Variants in ZCCHC7 observed in about 807,000 individuals in gnomAD.
ZCCHC7 encodes the protein zinc finger CCHC domain-containing protein 7.
In ZCCHC7, 35 loss-of-function variants were observed where a neutral mutation model predicts 52.0. The observed-to-expected ratio is 0.67, with a 90% CI of 0.51 to 0.89. The LOEUF (loss-of-function observed/expected upper bound fraction) is 0.89, where lower values mean the gene tolerates loss of function less well. Among genes scored for constraint, ZCCHC7 ranks in the 40% least tolerant of loss-of-function variants. The pLI is 0.00. For missense variants in ZCCHC7, 574 were observed against 649.1 expected (o/e 0.88, Z 1.26); for synonymous variants, 217 against 221.5 (o/e 0.98, Z 0.18).
intron 5 of ZCCHC7, among the ~76,000 whole-genome samples, chr9:37,311,788 T>C (rs189791647): frequency 1.2e-4 from 18 of 152,332 alleles, no homozygotes; most frequent in Admixed American, 5.2e-4. Context: ...CAAAAGTTTA[T>C]TTTAAGGAGA....
At chr9:37,202,589 C>T (rs1823691720) in intron 2 of ZCCHC7, among the ~76,000 whole-genome samples, 1 of 152,156 alleles carries the variant, frequency 6.6e-6, no homozygotes, top group Admixed American at 6.5e-5. Context: ...TCAAGTGATC[C>T]TCCTGCCTCA....
chr9:37,256,379 C>T (rs1481178105), intron 2 of ZCCHC7, among the ~76,000 whole-genome samples: 4 of 152,228 alleles, frequency 2.6e-5, no homozygotes, highest in Non-Finnish European at 4.4e-5. Context: ...GCTAGTAATA[C>T]TAAGAAGTTA....
intron 6 of ZCCHC7, among the ~76,000 whole-genome samples, chr9:37,339,993 C>T (rs1241624007): frequency 1.3e-5 from 2 of 152,098 alleles, no homozygotes; most frequent in African/African-American, 2.4e-5. Context: ...GCAGCTCTAG[C>T]ATTTTGATCT....
chr9:37,304,412 G>A, intron 4 of ZCCHC7, 99 bp downstream of exon 4: 1 of 1,400,370 alleles, frequency 7.1e-7, no homozygotes, highest in Non-Finnish European at 9.7e-7. Flanking sequence ...CCAGCACTTT[G>A]GGAAGCCGAG....
In ZCCHC7 at chr9:37,323,071, T is replaced by A. The variant is rs372498189; in HGVS notation, c.952-4728T>A. Among the ~76,000 whole-genome samples, 40 of 150,692 alleles carry A rather than the reference T, an allele frequency of 2.7e-4. 1 individual carries two copies. In the South Asian group the frequency reaches 6.1e-3, roughly 23 times the overall value. The stretch of plus-strand genomic sequence containing the variant: ...GAGGTACTGTTAGCCCCGTTTTACC[T>A]ATGAGGAAACTGAGACACAGAGATA... On this transcript the variant is annotated intron_variant, in intron 5 of 8. Transcript: ENST00000336755.
intron 2 of ZCCHC7, among the ~76,000 whole-genome samples, chr9:37,219,938 T>C (rs1387401698): frequency 6.6e-6 from 1 of 152,110 alleles, no homozygotes; most frequent in East Asian, 1.9e-4. Context: ...TGAGGAAGGT[T>C]TAGTGAAGGG....
intron 2 of ZCCHC7, among the ~76,000 whole-genome samples, chr9:37,177,447 C>T (rs1179643494): frequency 2.0e-5 from 3 of 152,120 alleles, no homozygotes; most frequent in Middle Eastern, 6.3e-3. Flanking sequence ...AATCTTTGTG[C>T]AGTGTGGAAA....
chr9:37,337,007 A>C (rs1053125581), intron 6 of ZCCHC7, among the ~76,000 whole-genome samples: 1 of 152,162 alleles, frequency 6.6e-6, no homozygotes, highest in Admixed American at 6.5e-5. Context: ...CAATTGGCGG[A>C]GGGGCCGAGA....
Position 37,232,711 on chromosome 9 carries a change from A to G in ZCCHC7, c.611-69477A>G, listed in dbSNP as rs571501517. Among the ~76,000 whole-genome samples, 17 of 152,382 alleles carry G rather than the reference A, an allele frequency of 1.1e-4. No individual in the cohort carries two copies. The South Asian group carries it at 2.7e-3, about 24-fold the overall frequency. On this transcript the variant is annotated intron_variant, in intron 2 of 8. Transcript: ENST00000336755. ...AAGCCTTTGGTAAATTTTTGTTGAC[A>G]TGTCAAGAAATAATTGTTGAGCAAC...
intron 3 of ZCCHC7, 111 bp from the exon 4 acceptor site, chr9:37,304,077 T>C: frequency 9.4e-7 from 1 of 1,068,752 alleles, no homozygotes; most frequent in South Asian, 1.6e-5. Context: ...GGAACTGACT[T>C]GAAGCTTGAT....
At chr9:37,283,876 GT>G (rs1482580954) in intron 2 of ZCCHC7, among the ~76,000 whole-genome samples, 3 of 151,440 alleles carry the variant, frequency 2.0e-5, no homozygotes, top group Admixed American at 2.0e-4. Flanking sequence ...CCTTTTTACT[GT>G]TTAACTTAAG....
At chr9:37,181,679 A>C (rs1822362649) in intron 2 of ZCCHC7, among the ~76,000 whole-genome samples, 1 of 152,242 alleles carries the variant, frequency 6.6e-6, no homozygotes, top group African/African-American at 2.4e-5. Context: ...CCATACAGAC[A>C]GGAAGTAGAT....
At chr9:37,219,108 A>G (rs975986725) in intron 2 of ZCCHC7, among the ~76,000 whole-genome samples, 2 of 152,154 alleles carry the variant, frequency 1.3e-5, no homozygotes, top group African/African-American at 4.8e-5. Flanking sequence ...GGTTTGAGAA[A>G]AATGTTCTTT....
At chr9:37,174,653 T>C (rs1458537584) in intron 2 of ZCCHC7, among the ~76,000 whole-genome samples, 1 of 152,352 alleles carries the variant, frequency 6.6e-6, no homozygotes, top group East Asian at 1.9e-4. Context: ...TAACTTCTTA[T>C]GTCATTCCTA....
chr9:37,148,200 C>T (rs1440374536), intron 2 of ZCCHC7, among the ~76,000 whole-genome samples: 2 of 152,056 alleles, frequency 1.3e-5, no homozygotes, highest in Admixed American at 1.3e-4. Context: ...GATATGTATT[C>T]ATTTAGCCAA....
intron 2 of ZCCHC7, among the ~76,000 whole-genome samples, chr9:37,138,486 A>C (rs1248623747): frequency 6.6e-6 from 1 of 152,134 alleles, no homozygotes; most frequent in Admixed American, 6.6e-5. Context: ...ATTCATTTAC[A>C]GTTTTCTTTT....
intron 2 of ZCCHC7, among the ~76,000 whole-genome samples, chr9:37,187,281 G>C (rs902830141): frequency 1.3e-5 from 2 of 152,198 alleles, no homozygotes; most frequent in African/African-American, 4.8e-5. Context: ...ACAGGGGTCG[G>C]GGGATAGTTT....
At chr9:37,191,849 A>G (rs1823037934) in intron 2 of ZCCHC7, among the ~76,000 whole-genome samples, 1 of 152,250 alleles carries the variant, frequency 6.6e-6, no homozygotes, top group African/African-American at 2.4e-5. Context: ...CCATTAATTC[A>G]GCCTTCATTA....
intron 2 of ZCCHC7, among the ~76,000 whole-genome samples, chr9:37,260,245 C>A (rs557964318): frequency 2.0e-5 from 3 of 152,292 alleles, no homozygotes; most frequent in African/African-American, 7.2e-5. Flanking sequence ...AGTGCTGAGC[C>A]GCTCTTTCAT....
Sources: gnomAD v4.1 joint callset for allele counts (sites outside exome capture counted in the v4.1 genomes callset) on GRCh38, gnomAD v4.1.1 for gene constraint, MANE v1.5 for transcripts, NCBI Gene and HGNC (gene_info 2026-07-23, HGNC 2026-07-21) for gene names.